The following ENDOV variants were observed in gnomAD, a reference collection of about 807,000 sequenced individuals.
ENDOV encodes endonuclease V.
In ENDOV, 37 loss-of-function variants were observed where a neutral mutation model predicts 39.4. That is an observed-to-expected ratio of 0.94 (90% confidence interval 0.72 to 1.23). The LOEUF is 1.23. ENDOV is among the 50% of genes most tolerant of loss of function. The pLI is 0.00. For missense variants in ENDOV, 441 were observed against 375.7 expected, an observed-to-expected ratio of 1.17 and a Z score of -1.44; for synonymous variants, 186 against 163.4, an observed-to-expected ratio of 1.14 and a Z score of -1.05.
rs116776372 is a variant in ENDOV at position 80,423,140 on chromosome 17, G to A, written c.404-380G>A. Among the ~76,000 whole-genome samples, 388 of 152,376 alleles carry A rather than the reference G, an allele frequency of 2.5e-3. 1 individual carries two copies. The highest frequency in any genetic ancestry group is 8.6e-3 in the African/African-American group (359 of 41,594). ...CTGGCTGCTGCCCTCGCACATGGGT[G>A]CAGAGCCAAAGGGTTGTCATGTGCC... On this transcript the variant is annotated intron_variant, in intron 4 of 9. Coordinates refer to ENST00000518137, the MANE Select transcript of ENDOV (RefSeq NM_173627.5).
chr17:80,430,162 T>C, intron 9 of ENDOV: 6 of 1,501,598 alleles, frequency 4.0e-6, no homozygotes, highest in Non-Finnish European at 5.3e-6. Context: ...CATCGGCTGG[T>C]CAGCTGTGGT....
chr17:80,423,651 C>T lies in ENDOV; in HGVS notation c.516+19C>T. ...GGAGAAGGTGAGGAGGGGCCTGCTGCAGGCCATGCCCGGCAGCTCAGTGGC... is the reference window on the plus strand; with the variant it reads ...GGAGAAGGTGAGGAGGGGCCTGCTGTAGGCCATGCCCGGCAGCTCAGTGGC... On this transcript the variant is annotated intron_variant, in intron 5 of 9. Coordinates refer to ENST00000518137, the MANE Select transcript of ENDOV (RefSeq NM_173627.5). 1 of 1,547,250 alleles carries T rather than the reference C, an allele frequency of 6.5e-7. No homozygotes were observed. The highest frequency in any genetic ancestry group is 8.7e-7 in the Non-Finnish European group (1 of 1,145,848).
chr17:80,436,453 T>A lies in ENDOV; in HGVS notation c.*310T>A. 2 of 1,076,972 alleles carry A rather than the reference T, an allele frequency of 1.9e-6. No individual in the cohort carries two copies. The highest frequency in any genetic ancestry group is 1.6e-5 in the African/African-American group (1 of 61,608). The allele number at this position is 1,076,972 out of a possible 1,614,324, so 66.7% of individuals were successfully genotyped here. On this transcript the variant is annotated 3_prime_UTR_variant, in exon 10 of 10. Coordinates refer to ENST00000518137, the MANE Select transcript of ENDOV (RefSeq NM_173627.5). ...TCCAGCTGAAGACGGTCCCTTCTAG[T>A]CCTAATTTGTTAAGTGTTTTTATCC...
At position 80,429,840 on chromosome 17, in the gene ENDOV, C is replaced by T. The variant is rs1568250376; in HGVS notation, c.838+9C>T. 6.2e-7 allele frequency: 1 copy of T among 1,612,714 alleles called. No individual in the cohort carries two copies. Among genetic ancestry groups the T allele is most frequent in the Non-Finnish European group, 8.5e-7 (1 of 1,179,816 alleles). ...CTCCGGAGAGTCCTCAGGTGAGGGC[C>T]AGCCCCCACAGGACCACAGCCCAGG... On this transcript the variant is annotated intron_variant, in intron 9 of 9. Coordinates refer to ENST00000518137, the MANE Select transcript of ENDOV (RefSeq NM_173627.5).
intron 8 of ENDOV, 25 bp downstream of exon 8, chr17:80,428,685 A>G (rs759536407): frequency 7.6e-5 from 119 of 1,560,470 alleles, no homozygotes; most frequent in Admixed American, 2.3e-4. Flanking sequence ...AGGCTGGGGC[A>G]CTAAAGGGGC....
intron 7 of ENDOV, chr17:80,427,746 C>T (rs542298609): frequency 1.9e-5 from 24 of 1,289,348 alleles, no homozygotes; most frequent in Middle Eastern, 2.1e-4. Flanking sequence ...TCCCTGGCTC[C>T]GCGCCGGGCC....
intron 2 of ENDOV, among the ~76,000 whole-genome samples, chr17:80,419,185 A>G (rs923883604): frequency 1.3e-5 from 2 of 151,912 alleles, no homozygotes. Flanking sequence ...AAAAAAAAAA[A>G]AAAACAGATT....
At chr17:80,428,450 C>G in intron 7 of ENDOV, 146 bp from the exon 8 acceptor site, 1 of 753,574 alleles carries the variant, frequency 1.3e-6, no homozygotes, top group African/African-American at 1.8e-5. Flanking sequence ...GACAGGGCCG[C>G]GGCTCCTGAG....
rs41298722 is a variant in ENDOV at position 80,422,577 on chromosome 17, T to C, written c.403+332T>C. On this transcript the variant is annotated intron_variant, in intron 4 of 9. Coordinates refer to ENST00000518137, the MANE Select transcript of ENDOV (RefSeq NM_173627.5). Reference sequence around the variant, plus strand: ...GATGTCCCAGGGCCCGGGCTCAGAGTGGCCTTCCCTGCCAGCCGCCCAACC... The same window carrying C: ...GATGTCCCAGGGCCCGGGCTCAGAGCGGCCTTCCCTGCCAGCCGCCCAACC... Among the ~76,000 whole-genome samples, 181 of 152,320 alleles carry C rather than the reference T, an allele frequency of 1.2e-3. 2 individuals are homozygous for C. Among genetic ancestry groups the C allele is most frequent in the African/African-American group, 4.1e-3 (171 of 41,568 alleles).
intron 3 of ENDOV, 47 bp downstream of exon 3, chr17:80,422,009 T>TG (rs1022572025): frequency 6.3e-7 from 1 of 1,595,108 alleles, no homozygotes; most frequent in African/African-American, 1.3e-5. Flanking sequence ...TCCTTCCCCC[T>TG]GGGGGAGGGA....
At position 80,436,648 on chromosome 17, in the gene ENDOV, C is replaced by T. The variant is rs559395405; in HGVS notation, c.*505C>T. 17 of 199,712 alleles carry T rather than the reference C, an allele frequency of 8.5e-5. No individual in the cohort carries two copies. The highest frequency in any genetic ancestry group is 3.8e-4 in the African/African-American group (16 of 42,538). 12.4% of individuals were successfully genotyped at this position (199,712 alleles called of 1,614,324 possible). A position where few individuals can be genotyped will look rare whatever the true frequency, so the allele number is the denominator to read the frequency against. On this transcript the variant is annotated 3_prime_UTR_variant, in exon 10 of 10. Coordinates refer to ENST00000518137, the MANE Select transcript of ENDOV (RefSeq NM_173627.5). ...GGTGTATAATCCATTTACTCTGCTG[C>T]TGAATGTGATTTGCTTGTATTTTGG...
chr17:80,436,097 T>G, intron 9 of ENDOV, 36 bp from the exon 10 acceptor site: 1 of 1,606,766 alleles, frequency 6.2e-7, no homozygotes, highest in South Asian at 1.1e-5. Context: ...CTTTTATTTC[T>G]TTTTCTTGCC....
At chr17:80,415,326 T>C in intron 1 of ENDOV, 76 bp downstream of exon 1, 1 of 1,537,032 alleles carries the variant, frequency 6.5e-7, no homozygotes, top group Non-Finnish European at 8.9e-7. Flanking sequence ...GAGCTCATAG[T>C]CTTCAGGCTG....
In ENDOV at chr17:80,436,261, G is replaced by A. The variant is rs1599488253; in HGVS notation, c.*118G>A. 21 of 1,475,058 alleles carry A rather than the reference G, an allele frequency of 1.4e-5. No individual in the cohort carries two copies. The South Asian group carries it at 2.3e-4, about 16-fold the overall frequency. 91.4% of individuals were successfully genotyped at this position (1,475,058 alleles called of 1,614,324 possible). On this transcript the variant is annotated 3_prime_UTR_variant, in exon 10 of 10. Transcript: ENST00000518137. ...TGGTGAGAGCACACATCCTCGTCTCGTTCCTGATCGAACGCGGTGGTGAGA... is the reference window on the plus strand; with the variant it reads ...TGGTGAGAGCACACATCCTCGTCTCATTCCTGATCGAACGCGGTGGTGAGA...
intron 8 of ENDOV, 33 bp downstream of exon 8, chr17:80,428,693 G>A: frequency 6.4e-7 from 1 of 1,554,620 alleles, no homozygotes; most frequent in Non-Finnish European, 8.7e-7. Flanking sequence ...GCACTAAAGG[G>A]GCATCTCACA....
Position 80,415,193 on chromosome 17 carries a change from C to A in ENDOV, c.-2C>A, listed in dbSNP as rs919833257. The A allele has an allele frequency of 3.7e-6, 6 of 1,613,214 alleles. No homozygotes were observed. The Middle Eastern group carries it at 6.6e-4, about 177-fold the overall frequency. The stretch of plus-strand genomic sequence containing the variant: ...TGCGGAAGGGGTGCCCGGGACGAAG[C>A]CATGGCCCTGGAGGCGGCGGGAGGG... On this transcript the variant is annotated 5_prime_UTR_variant, in exon 1 of 10. Transcript: ENST00000518137.
chr17:80,428,463 TGAA>T, intron 7 of ENDOV, 130 bp from the exon 8 acceptor site: 1 of 855,296 alleles, frequency 1.2e-6, no homozygotes, highest in Non-Finnish European at 1.8e-6. Flanking sequence ...CTCCTGAGCC[TGAA>T]GAACTGGCTG....
chr17:80,415,201 CTGG>C lies in ENDOV; in HGVS notation c.8_10del (p.Leu3_Glu4delinsGln), dbSNP rs1048887341. ...GGGTGCCCGGGACGAAGCCATGGCC[CTGG>C]AGGCGGCGGGAGGGCCGCCGGAGGA... is the stretch of plus-strand genomic sequence containing the variant. On this transcript the variant is annotated inframe_deletion, in exon 1 of 10. Coordinates refer to ENST00000518137, the MANE Select transcript of ENDOV (RefSeq NM_173627.5). The C allele has an allele frequency of 4.3e-6, 7 of 1,613,208 alleles. No homozygotes were observed. The highest frequency in any genetic ancestry group is 5.9e-6 in the Non-Finnish European group (7 of 1,179,700).
chr17:80,416,743 CCTCT>C (rs755313098), intron 2 of ENDOV, among the ~76,000 whole-genome samples: 2 of 128,990 alleles, frequency 1.6e-5, no homozygotes, highest in Non-Finnish European at 3.2e-5. Flanking sequence ...TCCCTTCCTT[CCTCT>C]CTCTGTCTCT....
Sources: gnomAD v4.1 joint callset for allele counts (sites outside exome capture counted in the v4.1 genomes callset) on GRCh38, gnomAD v4.1.1 for gene constraint, MANE v1.5 for transcripts, NCBI Gene and HGNC (gene_info 2026-07-23, HGNC 2026-07-21) for gene names.